The following MFN2 variants were observed in gnomAD, a reference collection of about 807,000 sequenced individuals.
The protein encoded by MFN2 is mitofusin 2, also known as mitofusin-2.
MFN2 carries 43 observed loss-of-function variants against 87.5 expected under a neutral mutation model. That is an observed-to-expected ratio of 0.49 (90% CI 0.38 to 0.63). MFN2 has a LOEUF of 0.63. Ranked by LOEUF, MFN2 falls within the 30% of genes least tolerant of loss-of-function variation. MFN2 has a pLI of 0.00. For missense variants in MFN2, 743 were observed against 972.8 expected (o/e 0.76, Z 3.14); for synonymous variants, 337 against 359.9 (o/e 0.94, Z 0.72).
intron 2 of MFN2, among the ~76,000 whole-genome samples, chr1:11,985,568 GTGATTC>G (rs1638366285): frequency 6.8e-6 from 1 of 148,106 alleles, no homozygotes; most frequent in African/African-American, 2.5e-5. Context: ...CCAGGTTCAA[GTGATTC>G]TCCTGCCTTG....
chr1:11,996,720 G>A (rs1311129529), intron 5 of MFN2, among the ~76,000 whole-genome samples: 1 of 152,060 alleles, frequency 6.6e-6, no homozygotes, highest in African/African-American at 2.4e-5. Flanking sequence ...TCTTGTTTGG[G>A]GCCAGATGCT....
chr1:11,996,826 T>C (rs1638927874), intron 5 of MFN2, among the ~76,000 whole-genome samples: 1 of 151,996 alleles, frequency 6.6e-6, no homozygotes, highest in South Asian at 2.1e-4. Flanking sequence ...TCATTTGAGG[T>C]CAGGAGTTCA....
chr1:11,987,629 C>A (rs79079014), intron 2 of MFN2, among the ~76,000 whole-genome samples: 119 of 134,734 alleles, frequency 8.8e-4, no homozygotes, highest in South Asian at 1.2e-3. Context: ...GACTCTGTCT[C>A]AGAAAAAAAA....
In MFN2 at chr1:12,004,732, G is replaced by T; in HGVS notation, c.1393-93G>T. ...TAGAAGCCACAGAGACAAGGCCCAG[G>T]CTTCCGTCAGCCTTCTGGGGTCACC... On this transcript the variant is annotated intron_variant, in intron 13 of 18. Transcript: ENST00000235329. The surrounding 1 kb of genome is among the most constrained non-coding windows in gnomAD (Gnocchi z 4.2). 1 of 1,498,180 alleles carries T rather than the reference G, an allele frequency of 6.7e-7. No homozygotes were observed. The highest frequency in any genetic ancestry group is 9.3e-7 in the Non-Finnish European group (1 of 1,078,044). The allele number at this position is 1,498,180 out of a possible 1,614,324, so 92.8% of individuals were successfully genotyped here.
Position 11,989,328 on chromosome 1 carries a change from G to A in MFN2, c.160G>A (p.Ala54Thr), listed in dbSNP as rs61733203. 8.3e-5 allele frequency: 134 copies of A among 1,613,812 alleles called. No homozygotes were observed. Among genetic ancestry groups the A allele is most frequent in the Non-Finnish European group, 1.0e-4 (121 of 1,180,006 alleles). ...GCTGGGGGCCTACATCCAGGAGAGCGCCACCTTCCTTGAAGGTAAGGGGGC... is the reference window on the plus strand; with the variant it reads ...GCTGGGGGCCTACATCCAGGAGAGCACCACCTTCCTTGAAGGTAAGGGGGC... ...EQLGAYIQESATFLEDTYRNA... is the reference protein window; with the variant it reads ...EQLGAYIQESTTFLEDTYRNA... The change falls in exon 3 of 19, where the codon GCC (alanine) becomes ACC (threonine). Residue 54 changes from alanine to threonine, a missense_variant. Physicochemically the swap from Ala to Thr is moderately conservative, Grantham distance 58. Around this residue, in one of 3 missense-constraint regions of MFN2, gnomAD observed 141 missense variants for 278.9 expected, o/e 0.51. Coordinates refer to ENST00000235329, the MANE Select transcript of MFN2 (RefSeq NM_014874.4).
chr1:12,008,137 T>C (rs1192738391), intron 17 of MFN2, among the ~76,000 whole-genome samples: 10 of 152,228 alleles, frequency 6.6e-5, no homozygotes, highest in Non-Finnish European at 8.8e-5. Flanking sequence ...TGGAGTCTCC[T>C]ATGTCTACTT....
intron 8 of MFN2, among the ~76,000 whole-genome samples, chr1:11,999,997 T>C (rs1639101041): frequency 6.6e-6 from 1 of 151,526 alleles, no homozygotes; most frequent in Non-Finnish European, 1.5e-5. Context: ...CGCGGGAGGC[T>C]AAGGCAGGAG....
At chr1:12,009,312 G>A (rs1380588380) in intron 17 of MFN2, among the ~76,000 whole-genome samples, 1 of 152,188 alleles carries the variant, frequency 6.6e-6, no homozygotes, top group Non-Finnish European at 1.5e-5. Flanking sequence ...TCTGCTACTC[G>A]GCTGATGAGC....
intron 3 of MFN2, among the ~76,000 whole-genome samples, chr1:11,991,750 C>A (rs1330770109): frequency 6.6e-6 from 1 of 151,354 alleles, no homozygotes; most frequent in African/African-American, 2.4e-5. Flanking sequence ...CGGTGAAACC[C>A]TGTCTCTACT....
intron 2 of MFN2, among the ~76,000 whole-genome samples, chr1:11,986,375 G>A (rs1051918208): frequency 4.6e-5 from 7 of 152,130 alleles, no homozygotes; most frequent in Non-Finnish European, 8.8e-5. Context: ...GGTGGCTGGG[G>A]AGGCAGTGAC....
In MFN2 at chr1:12,006,528, C is replaced by G; in HGVS notation, c.1717-10C>G. ...CGTCCCCCTCACCCCTCTCATGTTT[C>G]TCTCCTCAGGTCCAGCGTCCCATCC... is the stretch of plus-strand genomic sequence containing the variant. On this transcript the variant is annotated splice_polypyrimidine_tract_variant and intron_variant, in intron 15 of 18. Transcript: ENST00000235329. 6.2e-7 allele frequency: 1 copy of G among 1,614,052 alleles called. No homozygotes were observed. Among genetic ancestry groups the G allele is most frequent in the South Asian group, 1.1e-5 (1 of 91,088 alleles).
intron 10 of MFN2, 62 bp from the exon 11 acceptor site, chr1:12,001,920 C>T: frequency 6.2e-7 from 1 of 1,614,108 alleles, no homozygotes; most frequent in South Asian, 1.1e-5. Flanking sequence ...AAACCAGAGT[C>T]TGGCCCTTGG....
chr1:11,983,119 C>T (rs868594491), intron 2 of MFN2, among the ~76,000 whole-genome samples: 25 of 152,108 alleles, frequency 1.6e-4, no homozygotes, highest in African/African-American at 4.8e-4. Flanking sequence ...TGCAGTGGCG[C>T]GATCTTGCAG....
At position 12,004,731 on chromosome 1, in the gene MFN2, G is replaced by A; in HGVS notation, c.1393-94G>A. 6.7e-7 allele frequency: 1 copy of A among 1,503,652 alleles called. No homozygotes were observed. The highest frequency in any genetic ancestry group is 1.1e-5 in the South Asian group (1 of 87,984). 93.1% of individuals were successfully genotyped at this position (1,503,652 alleles called of 1,614,324 possible). Reference sequence around the variant, plus strand: ...GTAGAAGCCACAGAGACAAGGCCCAGGCTTCCGTCAGCCTTCTGGGGTCAC... The same window carrying A: ...GTAGAAGCCACAGAGACAAGGCCCAAGCTTCCGTCAGCCTTCTGGGGTCAC... On this transcript the variant is annotated intron_variant, in intron 13 of 18. Transcript: ENST00000235329. The surrounding 1 kb of genome is among the most constrained non-coding windows in gnomAD (Gnocchi z 4.2).
intron 15 of MFN2, 143 bp downstream of exon 15, chr1:12,006,074 G>C: frequency 1.4e-6 from 1 of 729,818 alleles, no homozygotes; most frequent in Non-Finnish European, 2.3e-6. Flanking sequence ...ACCACAGACA[G>C]AATTTTTGCT....
chr1:12,009,443 G>A, intron 17 of MFN2, 149 bp from the exon 18 acceptor site: 1 of 1,069,896 alleles, frequency 9.3e-7, no homozygotes, highest in East Asian at 2.4e-5. Flanking sequence ...GCAGGGTGTA[G>A]GAGATTCTGC....
intron 4 of MFN2, among the ~76,000 whole-genome samples, chr1:11,993,661 A>G (rs1810564): frequency 0.65 from 98,101 of 150,344 alleles, 32,337 homozygotes; most frequent in South Asian, 0.7. Context: ...TGTGAACCCC[A>G]GGGGGCGGAG....
chr1:11,982,800 A>T (rs528456305), intron 2 of MFN2, among the ~76,000 whole-genome samples: 2 of 152,188 alleles, frequency 1.3e-5, no homozygotes, highest in Non-Finnish European at 2.9e-5. Context: ...ATATTTATTA[A>T]TACTGTGCCC....
In MFN2 at chr1:11,992,693, A is replaced by G. The variant is rs1638742329; in HGVS notation, c.311+3A>G. 1.9e-6 allele frequency: 3 copies of G among 1,614,056 alleles called. No individual in the cohort carries two copies. The highest frequency in any genetic ancestry group is 2.2e-5 in the East Asian group (1 of 44,900). ...ATGAAAGTGGCTTTTTTTGGCCGGT[A>G]AGTCCTTGAGGCACCCACCCTTTCT... On this transcript the variant is annotated splice_donor_region_variant and intron_variant, in intron 4 of 18. Coordinates refer to ENST00000235329, the MANE Select transcript of MFN2 (RefSeq NM_014874.4).
Sources: allele counts gnomAD v4.1 joint callset (sites outside exome capture counted in the v4.1 genomes callset), GRCh38; gene constraint gnomAD v4.1.1; regional missense constraint gnomAD v4.1.1; non-coding constraint Gnocchi (gnomAD v3.1); transcripts MANE v1.5; gene names NCBI Gene and HGNC (gene_info 2026-07-23, HGNC 2026-07-21).